The following EVC2 variants were observed in gnomAD, a reference collection of about 807,000 sequenced individuals.
EVC2 encodes the protein limbin.
EVC2 carries 148 observed loss-of-function variants against 149.3 expected under a neutral mutation model. The ratio of observed to expected loss-of-function variants is 0.99; its 90% CI spans 0.87 to 1.14. The LOEUF (loss-of-function observed/expected upper bound fraction) is 1.14, where lower values mean the gene tolerates loss of function less well. EVC2 is among the 50% of genes most tolerant of loss of function. The pLI, the probability that EVC2 is intolerant of heterozygous loss-of-function variation, is 0.00. For synonymous variants in EVC2, 776 were observed against 649.9 expected (o/e 1.19, Z -2.95); for missense variants, 1,854 against 1,627.3 (o/e 1.14, Z -2.40).
chr4:5,708,040 T>G, intron 1 of EVC2: 1 of 402,150 alleles, frequency 2.5e-6, no homozygotes. Context: ...GAGAGCAGGA[T>G]TCGAACCAGG....
Position 5,708,551 on chromosome 4 carries a change from C to A in EVC2, c.-38G>T, listed in dbSNP as rs1378037382. On this transcript the variant is annotated 5_prime_UTR_variant, in exon 1 of 22. Transcript: ENST00000344408. ...CCCGCTACCTCAAAGCGGCGGGTGC[C>A]GCCGAGTCGCTGGAGCTTCCGGACC... is the stretch of plus-strand genomic sequence containing the variant. 180 of 1,363,006 alleles carry A rather than the reference C, an allele frequency of 1.3e-4. No homozygotes were observed. The highest frequency in any genetic ancestry group is 1.6e-4 in the Non-Finnish European group (171 of 1,052,360). The allele number at this position is 1,363,006 out of a possible 1,614,324, so 84.4% of individuals were successfully genotyped here. A position where few individuals can be genotyped will look rare whatever the true frequency, so the allele number is the denominator to read the frequency against.
chr4:5,599,299 T>C (rs1713759075), intron 16 of EVC2, among the ~76,000 whole-genome samples: 1 of 151,668 alleles, frequency 6.6e-6, no homozygotes, highest in Non-Finnish European at 1.5e-5. Flanking sequence ...CTATTCACAA[T>C]AGCAAAGACT....
chr4:5,596,154 T>G (rs2508160), intron 16 of EVC2, among the ~76,000 whole-genome samples: 105,225 of 152,046 alleles, frequency 0.69, 37,115 homozygotes, highest in East Asian at 0.86. Context: ...ACATTAGACA[T>G]ATCAACAAGA....
At chr4:5,664,261 A>G (rs1271063155) in intron 8 of EVC2, among the ~76,000 whole-genome samples, 1 of 152,108 alleles carries the variant, frequency 6.6e-6, no homozygotes, top group Non-Finnish European at 1.5e-5. Flanking sequence ...CCCCAATCCA[A>G]CTCTGAAGGC....
At chr4:5,607,104 C>T (rs867928013) in intron 16 of EVC2, among the ~76,000 whole-genome samples, 2 of 152,066 alleles carry the variant, frequency 1.3e-5, no homozygotes, top group African/African-American at 4.8e-5. Flanking sequence ...TGGGAATCAC[C>T]ATAAAGAATA....
At chr4:5,705,087 A>C (rs891512549) in intron 1 of EVC2, among the ~76,000 whole-genome samples, 1 of 152,226 alleles carries the variant, frequency 6.6e-6, no homozygotes, top group Admixed American at 6.5e-5. Flanking sequence ...ATGTTACATC[A>C]TATCTGGCTG....
In EVC2 at chr4:5,694,320, G is replaced by A. The variant is rs370367479; in HGVS notation, c.450+15C>T. 11 of 1,612,858 alleles carry A rather than the reference G, an allele frequency of 6.8e-6. No individual in the cohort carries two copies. Among genetic ancestry groups the A allele is most frequent in the South Asian group, 6.6e-5 (6 of 91,012 alleles). On this transcript the variant is annotated intron_variant, in intron 3 of 21. Transcript: ENST00000344408. ...CTTCTGGTATTTGTGTTAAAGCATT[G>A]AACTTAATACTTACCAGGCGGTGTG...
rs77235611 is a variant in EVC2, at chr4:5,699,235, C to G, written c.229-1588G>C. 8.2e-3 allele frequency among the ~76,000 whole-genome samples: 1,248 copies of G among 152,322 alleles called. 22 individuals are homozygous for G. The highest frequency in any genetic ancestry group is 0.028 in the African/African-American group (1,180 of 41,578). ...GAAAATGGGTGCAGCTCGATCCAGA[C>G]AGGCTTCTACCAAACCCACCCCAGC... is the stretch of plus-strand genomic sequence containing the variant. On this transcript the variant is annotated intron_variant, in intron 1 of 21. Transcript: ENST00000344408.
At chr4:5,568,164 A>C (rs1722414579) in intron 20 of EVC2, among the ~76,000 whole-genome samples, 1 of 152,108 alleles carries the variant, frequency 6.6e-6, no homozygotes, top group Non-Finnish European at 1.5e-5. Context: ...ATGTAACAGG[A>C]TGCTAGCAGT....
chr4:5,655,541 T>C (rs1199481815), intron 9 of EVC2, among the ~76,000 whole-genome samples: 2 of 152,098 alleles, frequency 1.3e-5, no homozygotes, highest in Non-Finnish European at 2.9e-5. Flanking sequence ...CAAGTCTTAA[T>C]GGCCCTTTAG....
chr4:5,700,937 T>C (rs926930427), intron 1 of EVC2, among the ~76,000 whole-genome samples: 3 of 152,352 alleles, frequency 2.0e-5, no homozygotes, highest in Middle Eastern at 3.4e-3. Context: ...TACACATCAC[T>C]GCAAATGTAG....
Position 5,683,846 on chromosome 4 carries a change from A to G in EVC2, c.816+1524T>C, listed in dbSNP as rs570052068. On this transcript the variant is annotated intron_variant, in intron 6 of 21. Transcript: ENST00000344408. ...CACACAGCTGCCCAGGAACACACAC[A>G]CACAGCTGCCCAGGAACACGCACAG... Among the ~76,000 whole-genome samples, 17 of 151,524 alleles carry G rather than the reference A, an allele frequency of 1.1e-4. No individual in the cohort carries two copies. The East Asian group carries it at 3.3e-3, about 29-fold the overall frequency.
At position 5,563,055 on chromosome 4, in the gene EVC2, AC is replaced by A; in HGVS notation, c.3719del (p.Ser1240IlefsTer19). On this transcript the variant is annotated frameshift_variant, in exon 22 of 22. Coordinates refer to ENST00000344408, the MANE Select transcript of EVC2 (RefSeq NM_147127.5). LOFTEE classifies it low-confidence loss of function (END_TRUNC). Reference protein sequence around the residue: ...RERMIFSGKGSWPHLSLEPIG... With the variant: ...RERMIFSGKGXWPHLSLEPIG... ...TGGGCTCCAGTGACAGGTGTGGCCAACTTCCTTTTCCAGAGAATATCATCCT... is the reference window on the plus strand; with the variant it reads ...TGGGCTCCAGTGACAGGTGTGGCCAATTCCTTTTCCAGAGAATATCATCCT... 1 of 1,614,182 alleles carries A rather than the reference AC, an allele frequency of 6.2e-7. No homozygotes were observed. Among genetic ancestry groups the A allele is most frequent in the Non-Finnish European group, 8.5e-7 (1 of 1,180,024 alleles).
intron 16 of EVC2, among the ~76,000 whole-genome samples, chr4:5,599,284 T>G (rs6828867): frequency 2.5e-3 from 382 of 150,678 alleles, no homozygotes; most frequent in African/African-American, 8.3e-3. Flanking sequence ...ATGTTGATTG[T>G]GGCACTATTC....
intron 7 of EVC2, among the ~76,000 whole-genome samples, chr4:5,673,859 T>A (rs1254481837): frequency 6.6e-6 from 1 of 152,174 alleles, no homozygotes; most frequent in Non-Finnish European, 1.5e-5. Context: ...TAGCAATGGT[T>A]CTCCCTGCTG....
rs540355096 is a variant in EVC2 at position 5,546,562 on chromosome 4, T to C, written c.3420-3350A>G. 2.0e-5 allele frequency among the ~76,000 whole-genome samples: 3 copies of C among 151,560 alleles called. No individual in the cohort carries two copies. In the South Asian group the frequency reaches 6.3e-4, roughly 32 times the overall value. ...GGGGAACATCACACACCAGGGACCA[T>C]TGTGGGGTGGGGGGATGGGGCAGGG... is the stretch of plus-strand genomic sequence containing the variant. On this transcript the variant is annotated intron_variant and NMD_transcript_variant, in intron 21 of 22. Transcript: ENST00000475313.
Position 5,618,611 on chromosome 4 carries a change from C to G in EVC2, c.2573G>C (p.Cys858Ser), listed in dbSNP as rs777123906. Residue 858 changes from cysteine (C) to serine (S), a missense_variant, in exon 15 of 22, where the codon TGC becomes TCC. By Grantham distance (112) the Cys-to-Ser change is moderately radical. Coordinates refer to ENST00000344408, the MANE Select transcript of EVC2 (RefSeq NM_147127.5). This position sits in a 1 kb window ranked among gnomAD's most constrained non-coding sequence, Gnocchi z 4.4. ...CAAGCTCCTGTCCATCTGAGCAAAGCAGCCATGGACCTCCTGCCTCATCCT... is the reference window on the plus strand; with the variant it reads ...CAAGCTCCTGTCCATCTGAGCAAAGGAGCCATGGACCTCCTGCCTCATCCT... ...LLRMRQEVHG[C>S]FAQMDRSLAL... is the part of the protein sequence containing the mutation. The G allele has an allele frequency of 6.2e-7, 1 of 1,613,610 alleles. No homozygotes were observed. The highest frequency in any genetic ancestry group is 8.5e-7 in the Non-Finnish European group (1 of 1,179,804).
chr4:5,594,835 G>A lies in EVC2; in HGVS notation c.2830-9985C>T, dbSNP rs147473803. ...TGAAAACTTTGAAAAAAATTTAGGCGAATGTATAACTAGAATAACCAATAG... is the reference window on the plus strand; with the variant it reads ...TGAAAACTTTGAAAAAAATTTAGGCAAATGTATAACTAGAATAACCAATAG... On this transcript the variant is annotated intron_variant, in intron 16 of 21. Transcript: ENST00000344408. Among the ~76,000 whole-genome samples, 114 of 152,242 alleles carry A rather than the reference G, an allele frequency of 7.5e-4. 2 individuals carry two copies. The East Asian group carries it at 0.021, about 28-fold the overall frequency.
At chr4:5,596,827 TAAAG>T (rs1287335954) in intron 16 of EVC2, among the ~76,000 whole-genome samples, 2 of 151,578 alleles carry the variant, frequency 1.3e-5, no homozygotes, top group Non-Finnish European at 2.9e-5. Flanking sequence ...GCAAGACTAA[TAAAG>T]AAGAAAAGAG....
Sources: gnomAD v4.1 joint callset for allele counts (sites outside exome capture counted in the v4.1 genomes callset) on GRCh38, gnomAD v4.1.1 for gene constraint, Gnocchi (gnomAD v3.1) non-coding constraint, MANE v1.5 for transcripts, NCBI Gene and HGNC (gene_info 2026-07-23, HGNC 2026-07-21) for gene names.